Variants in FOCAD observed in about 807,000 individuals in gnomAD.
FOCAD encodes KIAA1797.
In FOCAD, 198 loss-of-function variants were observed where a neutral mutation model predicts 225.6. The observed-to-expected ratio is 0.88, with a 90% CI of 0.78 to 0.99. FOCAD has a LOEUF of 0.99. Among genes scored for constraint, FOCAD ranks in the 50% least tolerant of loss-of-function variants. FOCAD has a pLI of 0.00. For missense variants in FOCAD, 2,713 were observed against 2,123.6 expected, an observed-to-expected ratio of 1.28 and a Z score of -5.46; for synonymous variants, 897 against 755.0, an observed-to-expected ratio of 1.19 and a Z score of -3.08.
chr9:20,849,320 A>G (rs548758051), intron 15 of FOCAD, among the ~76,000 whole-genome samples: 1 of 151,214 alleles, frequency 6.6e-6, no homozygotes, highest in African/African-American at 2.4e-5. Flanking sequence ...TCTTTTGGAA[A>G]TCAACCATCT....
chr9:20,713,872 T>C (rs879800645), intron 1 of FOCAD, among the ~76,000 whole-genome samples: 1 of 152,228 alleles, frequency 6.6e-6, no homozygotes, highest in Non-Finnish European at 1.5e-5. Flanking sequence ...AAGTTGTGAT[T>C]GACACAATTG....
At chr9:20,786,203 A>G (rs2131148355) in intron 10 of FOCAD, among the ~76,000 whole-genome samples, 1 of 152,172 alleles carries the variant, frequency 6.6e-6, no homozygotes, top group Non-Finnish European at 1.5e-5. Context: ...CTTTGTGCTG[A>G]ACTTGGGCGT....
intron 2 of FOCAD, among the ~76,000 whole-genome samples, chr9:20,676,398 T>C (rs982624825): frequency 5.3e-5 from 8 of 152,208 alleles, no homozygotes; most frequent in Admixed American, 4.6e-4. Flanking sequence ...AGAACCTCCC[T>C]CAATTACTGT....
chr9:20,786,340 A>G (rs929387916), intron 10 of FOCAD, among the ~76,000 whole-genome samples: 7 of 152,182 alleles, frequency 4.6e-5, no homozygotes, highest in Non-Finnish European at 8.8e-5. Flanking sequence ...TTGTGCTTCT[A>G]TCATCATCTT....
At chr9:20,807,674 C>T (rs1822605796) in intron 11 of FOCAD, among the ~76,000 whole-genome samples, 1 of 152,192 alleles carries the variant, frequency 6.6e-6, no homozygotes, top group African/African-American at 2.4e-5. Flanking sequence ...CCATATAAAG[C>T]TAGTGGCTAC....
intron 24 of FOCAD, among the ~76,000 whole-genome samples, chr9:20,919,449 G>A (rs527553850): frequency 1.9e-4 from 29 of 152,174 alleles, no homozygotes; most frequent in South Asian, 8.3e-4. Context: ...TTCTTCACAG[G>A]ATTGGAAAAA....
chr9:20,893,889 A>G (rs1311918861), intron 21 of FOCAD, among the ~76,000 whole-genome samples: 2 of 152,134 alleles, frequency 1.3e-5, no homozygotes, highest in Non-Finnish European at 2.9e-5. Flanking sequence ...CCCAAAGTCT[A>G]TAGTTTATAT....
Position 20,800,448 on chromosome 9 carries a change from A to C in FOCAD, c.1455+10840A>C, listed in dbSNP as rs959104410. Among the ~76,000 whole-genome samples the C allele has an allele frequency of 3.9e-5, 6 of 152,196 alleles. 1 individual carries two copies. In the East Asian group the frequency reaches 9.8e-4, roughly 25 times the overall value. ...GATGATATCCTGCTGAGTGTTTTCC[A>C]ACTTGGTTCCATTCTCCCCATCACT... On this transcript the variant is annotated intron_variant, in intron 11 of 43. Transcript: ENST00000338382.
At chr9:20,909,867 T>G (rs977870207) in intron 22 of FOCAD, among the ~76,000 whole-genome samples, 2 of 152,126 alleles carry the variant, frequency 1.3e-5, no homozygotes, top group Non-Finnish European at 2.9e-5. Context: ...TAGAAGACAC[T>G]TTTTCTGTAC....
intron 15 of FOCAD, among the ~76,000 whole-genome samples, chr9:20,827,673 G>A (rs1479299865): frequency 6.6e-6 from 1 of 151,734 alleles, no homozygotes; most frequent in Non-Finnish European, 1.5e-5. Context: ...TCCTGTATGT[G>A]GAATCTAAAA....
chr9:20,767,484 C>T (rs2130975097), intron 7 of FOCAD, among the ~76,000 whole-genome samples: 1 of 151,278 alleles, frequency 6.6e-6, no homozygotes, highest in Middle Eastern at 3.4e-3. Context: ...TCTCCAGCAC[C>T]TGTTGTTTCC....
At chr9:20,978,593 T>G in intron 37 of FOCAD, 139 bp downstream of exon 37, 1 of 508,924 alleles carries the variant, frequency 2.0e-6, no homozygotes, top group Non-Finnish European at 3.4e-6. Flanking sequence ...TGATAGTAGC[T>G]GGCCTGCATA....
rs1039955734 is a variant in FOCAD, at chr9:20,740,420, A to T, written c.392+80A>T. The T allele has an allele frequency of 3.7e-6, 3 of 814,886 alleles. No individual in the cohort carries two copies. In the Admixed American group the frequency reaches 7.1e-5, roughly 19 times the overall value. 50.5% of individuals were successfully genotyped at this position (814,886 alleles called of 1,614,324 possible). A position where few individuals can be genotyped will look rare whatever the true frequency, so the allele number is the denominator to read the frequency against. On this transcript the variant is annotated intron_variant, in intron 5 of 43. Coordinates refer to ENST00000338382, the MANE Select transcript of FOCAD (RefSeq NM_001375567.1). ...TTAACTGTGACATGATAATCCAGTA[A>T]GAATTAGTTATTTAATTCAGCAGGA...
upstream of FOCAD, among the ~76,000 whole-genome samples, chr9:20,656,197 G>C (rs201807127): frequency 2.0e-4 from 30 of 149,696 alleles, no homozygotes; most frequent in African/African-American, 4.9e-4. Context: ...TTACTTCCAA[G>C]TATGTGGTCA....
chr9:20,909,405 G>A (rs1205132439), intron 22 of FOCAD, among the ~76,000 whole-genome samples: 2 of 152,008 alleles, frequency 1.3e-5, no homozygotes, highest in Non-Finnish European at 2.9e-5. Flanking sequence ...ACTGTGACAT[G>A]TATTTTCCCT....
intron 1 of FOCAD, among the ~76,000 whole-genome samples, chr9:20,695,938 T>C (rs1823335438): frequency 6.6e-6 from 1 of 152,260 alleles, no homozygotes; most frequent in Non-Finnish European, 1.5e-5. Flanking sequence ...ATGAAGCTTA[T>C]ACAGTCTGCA....
chr9:20,928,993 T>A (rs1835210922), intron 26 of FOCAD: 1 of 158,466 alleles, frequency 6.3e-6, no homozygotes, highest in Admixed American at 6.4e-5. Flanking sequence ...TAGCTTCAGT[T>A]TTTTTTTTGT....
At chr9:20,982,298 A>G in intron 38 of FOCAD, 59 bp from the exon 39 acceptor site, 1 of 1,199,830 alleles carries the variant, frequency 8.3e-7, no homozygotes, top group Non-Finnish European at 1.2e-6. Flanking sequence ...ATTTGTCAGA[A>G]CATTTTGACC....
intron 11 of FOCAD, among the ~76,000 whole-genome samples, chr9:20,797,970 A>T (rs1208577375): frequency 1.3e-5 from 2 of 152,112 alleles, no homozygotes; most frequent in East Asian, 3.9e-4. Context: ...TCAGTATGAT[A>T]TTGGCTGTGG....
Sources: allele counts gnomAD v4.1 joint callset (sites outside exome capture counted in the v4.1 genomes callset), GRCh38; gene constraint gnomAD v4.1.1; transcripts MANE v1.5; gene names NCBI Gene and HGNC (gene_info 2026-07-23, HGNC 2026-07-21).